Variants in CSGALNACT1 observed in about 807,000 individuals in gnomAD.
CSGALNACT1 encodes beta4GalNAcT-1.
CSGALNACT1 carries 52 observed loss-of-function variants against 51.0 expected under a neutral mutation model. That is an observed-to-expected ratio of 1.02 (90% confidence interval 0.82 to 1.29). The LOEUF (loss-of-function observed/expected upper bound fraction) is 1.29, where lower values mean the gene tolerates loss of function less well. CSGALNACT1 is among the 50% of genes most tolerant of loss of function. The pLI is 0.00. For synonymous variants in CSGALNACT1, 341 were observed against 254.4 expected, an observed-to-expected ratio of 1.34 and a Z score of -3.24; for missense variants, 935 against 679.2, an observed-to-expected ratio of 1.38 and a Z score of -4.19.
chr8:19,727,473 C>T (rs1434754130), intron 1 of CSGALNACT1, among the ~76,000 whole-genome samples: 1 of 152,060 alleles, frequency 6.6e-6, no homozygotes, highest in East Asian at 1.9e-4. Context: ...ACTCAGCTTC[C>T]CAAGCAGCTG....
intron 7 of CSGALNACT1, among the ~76,000 whole-genome samples, 177 bp from the exon 7 acceptor site, chr8:19,418,927 A>G (rs1176949432): frequency 6.6e-6 from 1 of 151,946 alleles, no homozygotes; most frequent in Non-Finnish European, 1.5e-5. Context: ...GCTCATTGCA[A>G]TCTCTGCCTC....
intron 1 of CSGALNACT1, among the ~76,000 whole-genome samples, chr8:19,707,323 T>C (rs891000489): frequency 3.3e-5 from 5 of 152,224 alleles, no homozygotes; most frequent in Non-Finnish European, 5.9e-5. Flanking sequence ...AATAGCTCTG[T>C]GAACTAAGGG....
At chr8:19,512,746 A>G (rs145000840) in intron 3 of CSGALNACT1, among the ~76,000 whole-genome samples, 32 of 152,316 alleles carry the variant, frequency 2.1e-4, no homozygotes, top group African/African-American at 7.7e-4. Flanking sequence ...GAAGCCCAAT[A>G]TGCTTTCTAC....
intron 6 of CSGALNACT1, among the ~76,000 whole-genome samples, chr8:19,428,716 G>A (rs967850334): frequency 6.6e-6 from 1 of 152,058 alleles, no homozygotes; most frequent in African/African-American, 2.4e-5. Context: ...CTATACAGCA[G>A]CACGTTCAAT....
In CSGALNACT1 at chr8:19,650,582, A is replaced by G. The variant is rs559653135; in HGVS notation, c.-544+31891T>C. On this transcript the variant is annotated intron_variant, in intron 1 of 9. Coordinates refer to the CSGALNACT1 transcript ENST00000332246. ...AACAGAAGATGCTGATGACGGGGTC[A>G]ACGTGGTCCTGGTTCCCAAGACCAT... is the stretch of plus-strand genomic sequence containing the variant. Among the ~76,000 whole-genome samples the G allele has an allele frequency of 2.6e-5, 4 of 152,296 alleles. No homozygotes were observed. In the South Asian group the frequency reaches 8.3e-4, roughly 32 times the overall value.
At chr8:19,740,576 G>A (rs1308366157) in intron 1 of CSGALNACT1, among the ~76,000 whole-genome samples, 2 of 152,158 alleles carry the variant, frequency 1.3e-5, no homozygotes, top group African/African-American at 4.8e-5. Flanking sequence ...AAATTCCACT[G>A]GGGTCTTTCT....
chr8:19,566,537 T>TA (rs1208694344), intron 3 of CSGALNACT1, among the ~76,000 whole-genome samples: 1 of 152,218 alleles, frequency 6.6e-6, no homozygotes, highest in Non-Finnish European at 1.5e-5. Flanking sequence ...CTACACATTA[T>TA]AAAAAACCTG....
At chr8:19,666,887 G>GAAAGAAAGAAAGAA (rs1554794643) in intron 1 of CSGALNACT1, among the ~76,000 whole-genome samples, 1 of 125,112 alleles carries the variant, frequency 8.0e-6, no homozygotes, top group East Asian at 2.5e-4. Context: ...GAAAGAAAGA[G>GAAAGAAAGAAAGAA]AGAGAGGAAG....
intron 6 of CSGALNACT1, among the ~76,000 whole-genome samples, chr8:19,424,190 G>A (rs1033468445): frequency 6.6e-6 from 1 of 152,156 alleles, no homozygotes; most frequent in African/African-American, 2.4e-5. Flanking sequence ...AAGGCAGGGT[G>A]GGGACAGAGT....
intron 5 of CSGALNACT1, among the ~76,000 whole-genome samples, chr8:19,449,611 A>G (rs1187823844): frequency 6.6e-6 from 1 of 152,206 alleles, no homozygotes; most frequent in African/African-American, 2.4e-5. Context: ...AAAAAAATGA[A>G]TAAAAGAGAA....
At chr8:19,612,944 T>TGGA (rs1554762376) in intron 1 of CSGALNACT1, among the ~76,000 whole-genome samples, 9 of 25,276 alleles carry the variant, frequency 3.6e-4, no homozygotes, top group African/African-American at 2.2e-4. Context: ...GAAAAGCAGC[T>TGGA]GGAAAAAAAA....
At chr8:19,578,551 A>G (rs147349569) in intron 3 of CSGALNACT1, among the ~76,000 whole-genome samples, 413 of 152,320 alleles carry the variant, frequency 2.7e-3, no homozygotes, top group African/African-American at 9.5e-3. Context: ...CACAAGCAAA[A>G]TGATTAGATT....
At chr8:19,553,640 A>ATATATATATATATATATATATATATAT (rs201836569) in intron 3 of CSGALNACT1, among the ~76,000 whole-genome samples, 1,597 of 116,018 alleles carry the variant, frequency 0.014, 63 homozygotes, top group Non-Finnish European at 0.017. Flanking sequence ...TATATATATA[A>ATATATATATATATATATATATATATAT]AAAAATATGT....
intron 4 of CSGALNACT1, among the ~76,000 whole-genome samples, chr8:19,469,202 A>T (rs2067479406): frequency 6.6e-6 from 1 of 152,134 alleles, no homozygotes; most frequent in African/African-American, 2.4e-5. Flanking sequence ...GCAGTCTGGG[A>T]AACACAGCAA....
chr8:19,586,288 T>C (rs1350842013), intron 3 of CSGALNACT1, among the ~76,000 whole-genome samples: 3 of 151,364 alleles, frequency 2.0e-5, no homozygotes, highest in Non-Finnish European at 4.4e-5. Context: ...GAACCTGTGA[T>C]GGGGAGGCTG....
intron 1 of CSGALNACT1, among the ~76,000 whole-genome samples, chr8:19,620,443 T>TC (rs1554766731): frequency 6.6e-6 from 1 of 151,646 alleles, no homozygotes; most frequent in African/African-American, 2.4e-5. Context: ...TTTTTTTTTT[T>TC]CTTGAGAAAG....
intron 2 of CSGALNACT1, among the ~76,000 whole-genome samples, chr8:19,596,570 C>A (rs2048946019): frequency 6.7e-6 from 1 of 149,200 alleles, no homozygotes; most frequent in Non-Finnish European, 1.5e-5. Context: ...GTTTTAACTG[C>A]AAATATAGGC....
intron 5 of CSGALNACT1, among the ~76,000 whole-genome samples, chr8:19,447,924 G>C (rs950708593): frequency 3.9e-5 from 6 of 152,206 alleles, no homozygotes; most frequent in African/African-American, 1.4e-4. Flanking sequence ...CAGGACTTTT[G>C]GGGAATGTAA....
At chr8:19,455,472 G>T (rs1384097172) in intron 5 of CSGALNACT1, among the ~76,000 whole-genome samples, 1 of 152,082 alleles carries the variant, frequency 6.6e-6, no homozygotes, top group African/African-American at 2.4e-5. Context: ...CATGTTAATT[G>T]CATTTAATTA....
Sources: allele counts gnomAD v4.1 joint callset (sites outside exome capture counted in the v4.1 genomes callset), GRCh38; gene constraint gnomAD v4.1.1; transcripts MANE v1.5; gene names NCBI Gene and HGNC (gene_info 2026-07-23, HGNC 2026-07-21).